Variants in OSER1 observed in about 807,000 individuals in gnomAD.
OSER1 encodes the protein oxidative stress-responsive serine-rich protein 1.
Under a neutral mutation model 26.3 loss-of-function variants are expected in OSER1, and 15 were observed. That is an observed-to-expected ratio of 0.57 (90% CI 0.38 to 0.88). The LOEUF is 0.88. Ranked by LOEUF, OSER1 falls within the 40% of genes least tolerant of loss-of-function variation. OSER1 has a pLI of 0.00. For missense variants in OSER1, 313 were observed against 353.9 expected (o/e 0.88, Z 0.93); for synonymous variants, 127 against 128.2 (o/e 0.99, Z 0.07).
At chr20:44,208,943 T>C (rs979906601) in intron 1 of OSER1, among the ~76,000 whole-genome samples, 1 of 152,168 alleles carries the variant, frequency 6.6e-6, no homozygotes, top group Non-Finnish European at 1.5e-5. Flanking sequence ...CAGGCAGAAA[T>C]TCATTTCTTT....
chr20:44,209,531 T>A (rs1403834931), intron 1 of OSER1, among the ~76,000 whole-genome samples: 1 of 152,242 alleles, frequency 6.6e-6, no homozygotes, highest in Non-Finnish European at 1.5e-5. Flanking sequence ...TGGGAGACAG[T>A]CTTGGCGTTT....
chr20:44,202,898 G>T, intron 3 of OSER1, 63 bp downstream of exon 3: 1 of 942,970 alleles, frequency 1.1e-6, no homozygotes. Context: ...TGGACACTCA[G>T]AAAGGAAAAT....
intron 1 of OSER1, 108 bp downstream of exon 1, chr20:44,210,588 G>A (rs1345109977): frequency 6.6e-6 from 1 of 152,310 alleles, no homozygotes; most frequent in Non-Finnish European, 1.5e-5. Context: ...GTCGGGAGAC[G>A]ACGCGACCCA....
At chr20:44,200,247 T>G (rs1174439810) in intron 3 of OSER1, among the ~76,000 whole-genome samples, 1 of 152,200 alleles carries the variant, frequency 6.6e-6, no homozygotes, top group Non-Finnish European at 1.5e-5. Flanking sequence ...GAAAAGAGCA[T>G]GCTGAGATCT....
Position 44,196,261 on chromosome 20 carries a change from A to G in OSER1, c.*791T>C, listed in dbSNP as rs1370582671. On this transcript the variant is annotated 3_prime_UTR_variant, in exon 4 of 4. Transcript: ENST00000255174. Reference sequence around the variant, plus strand: ...GAGGTAACCATCTATAACATCTGAAACTGAGGTATGAGACCTGTATTACAA... The same window carrying G: ...GAGGTAACCATCTATAACATCTGAAGCTGAGGTATGAGACCTGTATTACAA... Among the ~76,000 whole-genome samples the G allele has an allele frequency of 2.7e-5, 4 of 149,294 alleles. No individual in the cohort carries two copies. Among genetic ancestry groups the G allele is most frequent in the Non-Finnish European group, 5.9e-5 (4 of 67,584 alleles).
intron 3 of OSER1, 98 bp downstream of exon 3, chr20:44,202,859 AGGTT>A: frequency 1.6e-6 from 1 of 626,026 alleles, no homozygotes; most frequent in Non-Finnish European, 2.8e-6. Context: ...ATTGGGTCTT[AGGTT>A]CTATATCATA....
In OSER1 at chr20:44,209,956, G is replaced by A. The variant is rs45480801; in HGVS notation, c.-42+740C>T. 1,168 of 152,410 alleles carry A rather than the reference G, an allele frequency of 7.7e-3. 23 individuals are homozygous for A. Among genetic ancestry groups the A allele is most frequent in the East Asian group, 0.052 (272 of 5,192 alleles). 9.4% of individuals were successfully genotyped at this position (152,410 alleles called of 1,614,324 possible). A position where few individuals can be genotyped will look rare whatever the true frequency, so the allele number is the denominator to read the frequency against. ...AAAACCAAACCCAGCAACTCTAAGAGGCAAACTAGACCGGGAGGAAACAAT... is the reference window on the plus strand; with the variant it reads ...AAAACCAAACCCAGCAACTCTAAGAAGCAAACTAGACCGGGAGGAAACAAT... On this transcript the variant is annotated intron_variant, in intron 1 of 3. Transcript: ENST00000255174.
At chr20:44,204,413 T>C (rs557745411) in intron 2 of OSER1, among the ~76,000 whole-genome samples, 26 of 152,370 alleles carry the variant, frequency 1.7e-4, no homozygotes, top group African/African-American at 6.3e-4. Context: ...CCTTCTCTTA[T>C]TTCATTTTCT....
In OSER1 at chr20:44,196,793, T is replaced by A. The variant is rs1569233555; in HGVS notation, c.*259A>T. On this transcript the variant is annotated 3_prime_UTR_variant, in exon 4 of 4. Transcript: ENST00000255174. ...CACTGCTGCCAGTCTCAAGTAATTA[T>A]GGTTTCTTCATCCCCCAGGAACATT... 2 of 388,446 alleles carry A rather than the reference T, an allele frequency of 5.1e-6. No individual in the cohort carries two copies. The highest frequency in any genetic ancestry group is 9.3e-6 in the Non-Finnish European group (2 of 214,190). 24.1% of individuals were successfully genotyped at this position (388,446 alleles called of 1,614,324 possible). A position where few individuals can be genotyped will look rare whatever the true frequency, so the allele number is the denominator to read the frequency against.
At chr20:44,203,730 A>ACC (rs1555866785) in intron 2 of OSER1, among the ~76,000 whole-genome samples, 8 of 147,350 alleles carry the variant, frequency 5.4e-5, no homozygotes, top group Admixed American at 1.4e-4. Context: ...ACACACACAC[A>ACC]CCCCTCCTAC....
At chr20:44,206,332 T>C (rs1448266012) in intron 2 of OSER1, among the ~76,000 whole-genome samples, 4 of 152,188 alleles carry the variant, frequency 2.6e-5, no homozygotes, top group East Asian at 1.9e-4. Flanking sequence ...ACAGAACATT[T>C]TGCAAAGGGT....
At chr20:44,203,187 G>A in intron 2 of OSER1, 113 bp from the exon 3 acceptor site, 1 of 560,162 alleles carries the variant, frequency 1.8e-6, no homozygotes, top group Non-Finnish European at 3.1e-6. Context: ...TCTAGTTTGG[G>A]TTTCTCAAAA....
At position 44,197,805 on chromosome 20, in the gene OSER1, T is replaced by C. The variant is rs1322466653; in HGVS notation, c.192-66A>G. ...GGAGCTGTCCTAAACAGATTCTTTA[T>C]GACAGTAGGAAATTTACCTTCCCTC... On this transcript the variant is annotated intron_variant, in intron 3 of 3. Coordinates refer to ENST00000255174, the MANE Select transcript of OSER1 (RefSeq NM_016470.8). 1.0e-5 allele frequency: 11 copies of C among 1,076,834 alleles called. No homozygotes were observed. The South Asian group carries it at 1.5e-4, about 15-fold the overall frequency. The allele number at this position is 1,076,834 out of a possible 1,614,324, so 66.7% of individuals were successfully genotyped here. A position where few individuals can be genotyped will look rare whatever the true frequency, so the allele number is the denominator to read the frequency against.
Position 44,196,248 on chromosome 20 carries a change from T to G in OSER1, c.*804A>C, listed in dbSNP as rs1187899830. 1.4e-5 allele frequency among the ~76,000 whole-genome samples: 2 copies of G among 143,844 alleles called. No individual in the cohort carries two copies. The highest frequency in any genetic ancestry group is 3.0e-5 in the Non-Finnish European group (2 of 66,560). 94.4% of individuals were successfully genotyped at this position (143,844 alleles called of 152,430 possible). ...AGGGCAGCTCAAAGAGGTAACCATC[T>G]ATAACATCTGAAACTGAGGTATGAG... On this transcript the variant is annotated 3_prime_UTR_variant, in exon 4 of 4. Transcript: ENST00000255174.
chr20:44,203,114 A>C (rs6073368), intron 2 of OSER1, 40 bp from the exon 3 acceptor site: 1 of 1,043,570 alleles, frequency 9.6e-7, no homozygotes, highest in Admixed American at 1.7e-5. Flanking sequence ...AAAAAACTGT[A>C]AAATGAGGAG....
rs2072915755 is a variant in OSER1, at chr20:44,196,192, C to A, written c.*860G>T. Among the ~76,000 whole-genome samples, 1 of 146,400 alleles carries A rather than the reference C, an allele frequency of 6.8e-6. No individual in the cohort carries two copies. Among genetic ancestry groups the A allele is most frequent in the Admixed American group, 7.0e-5 (1 of 14,200 alleles). ...CCAAATCTGTGGGATACAGAATGTA[C>A]AAAATTCTCTTTTAGGGTTGCTGGG... On this transcript the variant is annotated 3_prime_UTR_variant, in exon 4 of 4. Transcript: ENST00000255174.
chr20:44,204,332 A>G (rs2073018029), intron 2 of OSER1, among the ~76,000 whole-genome samples: 1 of 152,228 alleles, frequency 6.6e-6, no homozygotes, highest in Admixed American at 6.5e-5. Context: ...TGGCAACAAT[A>G]TAAAACAACT....
intron 2 of OSER1, among the ~76,000 whole-genome samples, chr20:44,203,337 T>C (rs555813327): frequency 6.6e-6 from 1 of 152,322 alleles, no homozygotes; most frequent in African/African-American, 2.4e-5. Context: ...TTCAGGCTGT[T>C]TCCCTGGGGC....
rs138453858 is a variant in OSER1 at position 44,196,256 on chromosome 20, C to A, written c.*796G>T. 1.4e-5 allele frequency among the ~76,000 whole-genome samples: 2 copies of A among 144,146 alleles called. No homozygotes were observed. The highest frequency in any genetic ancestry group is 4.3e-4 in the East Asian group (2 of 4,654). 94.6% of individuals were successfully genotyped at this position (144,146 alleles called of 152,430 possible). The stretch of plus-strand genomic sequence containing the variant: ...TCAAAGAGGTAACCATCTATAACAT[C>A]TGAAACTGAGGTATGAGACCTGTAT... On this transcript the variant is annotated 3_prime_UTR_variant, in exon 4 of 4. Coordinates refer to ENST00000255174, the MANE Select transcript of OSER1 (RefSeq NM_016470.8).
Sources: allele counts gnomAD v4.1 joint callset (sites outside exome capture counted in the v4.1 genomes callset), GRCh38; gene constraint gnomAD v4.1.1; transcripts MANE v1.5; gene names NCBI Gene and HGNC (gene_info 2026-07-23, HGNC 2026-07-21).